The following PSD3 variants were observed in gnomAD, a reference collection of about 807,000 sequenced individuals.
PSD3 encodes the protein PH and SEC7 domain-containing protein 3.
PSD3 carries 49 observed loss-of-function variants against 105.5 expected under a neutral mutation model. The observed-to-expected ratio is 0.46, with a 90% CI of 0.37 to 0.59. The LOEUF (loss-of-function observed/expected upper bound fraction) is 0.59, where lower values mean the gene tolerates loss of function less well. Among genes scored for constraint, PSD3 ranks in the 20% least tolerant of loss-of-function variants. PSD3 has a pLI of 0.00. For synonymous variants in PSD3, 557 were observed against 457.8 expected (o/e 1.22, Z -2.77); for missense variants, 1,561 against 1,263.8 (o/e 1.24, Z -3.57).
intron 9 of PSD3, among the ~76,000 whole-genome samples, chr8:18,690,806 G>C (rs907499217): frequency 6.6e-6 from 1 of 152,188 alleles, no homozygotes; most frequent in Non-Finnish European, 1.5e-5. Flanking sequence ...ACCAGCTTCA[G>C]AGCCCCTTCC....
intron 6 of PSD3, among the ~76,000 whole-genome samples, chr8:18,804,065 C>A (rs73595757): frequency 0.043 from 6,618 of 152,216 alleles, 490 homozygotes; most frequent in African/African-American, 0.15. Context: ...TAGGTGTAGA[C>A]TATCAATTCA....
At chr8:18,994,653 C>T (rs553578988) in intron 1 of PSD3, among the ~76,000 whole-genome samples, 86 of 151,870 alleles carry the variant, frequency 5.7e-4, no homozygotes, top group African/African-American at 2.0e-3. Flanking sequence ...GACAATATTT[C>T]GGACACAGTA....
chr8:18,570,850 T>TATTATC (rs1802089049), intron 14 of PSD3, among the ~76,000 whole-genome samples: 1 of 123,908 alleles, frequency 8.1e-6, no homozygotes, highest in African/African-American at 4.3e-5. Context: ...AAACTATTAT[T>TATTATC]ATTATTATTA....
At chr8:18,774,971 C>T (rs1193361406) in intron 8 of PSD3, 1 of 456,148 alleles carries the variant, frequency 2.2e-6, no homozygotes, top group African/African-American at 2.0e-5. Context: ...GAGAAAAGTG[C>T]CCATTAATCA....
chr8:18,758,818 C>T (rs529042537), intron 9 of PSD3, among the ~76,000 whole-genome samples: 1 of 152,038 alleles, frequency 6.6e-6, no homozygotes, highest in Non-Finnish European at 1.5e-5. Flanking sequence ...TTTCAGCTGA[C>T]AAGATAGGTT....
intron 2 of PSD3, among the ~76,000 whole-genome samples, chr8:18,934,536 G>T (rs1226529307): frequency 6.6e-6 from 1 of 151,810 alleles, no homozygotes; most frequent in Non-Finnish European, 1.5e-5. Context: ...TCAGCCTCCC[G>T]AGTAGCTGTG....
At chr8:19,055,499 C>A (rs990352321) in intron 1 of PSD3, among the ~76,000 whole-genome samples, 7 of 152,194 alleles carry the variant, frequency 4.6e-5, no homozygotes, top group African/African-American at 1.7e-4. Context: ...GTGATTCACC[C>A]GCCTCGGCCT....
Position 18,870,118 on chromosome 8 carries a change from C to T in PSD3, c.1238+1508G>A, listed in dbSNP as rs111652319. On this transcript the variant is annotated intron_variant, in intron 3 of 15. Transcript: ENST00000327040. ...GGGGAGGGGAGTGGGAAGGATCCTG[C>T]CAGTGATCCCAAAGGAGCACCACTC... 3.2e-3 allele frequency among the ~76,000 whole-genome samples: 491 copies of T among 152,186 alleles called. 4 individuals carry two copies. The highest frequency in any genetic ancestry group is 0.011 in the African/African-American group (445 of 41,512).
intron 9 of PSD3, among the ~76,000 whole-genome samples, chr8:18,667,092 T>C (rs1392601860): frequency 1.3e-5 from 2 of 152,098 alleles, no homozygotes; most frequent in Non-Finnish European, 2.9e-5. Context: ...TTACAGCTCA[T>C]AAAGGCAGTG....
intron 4 of PSD3, among the ~76,000 whole-genome samples, chr8:18,829,281 G>T (rs1009693772): frequency 1.3e-5 from 2 of 151,980 alleles, no homozygotes; most frequent in Non-Finnish European, 2.9e-5. Context: ...CTAACATTTA[G>T]AATTTGAAAA....
intron 9 of PSD3, among the ~76,000 whole-genome samples, chr8:18,694,973 A>T (rs1232889168): frequency 1.3e-5 from 2 of 152,232 alleles, no homozygotes; most frequent in Admixed American, 1.3e-4. Flanking sequence ...ATTTTTATAT[A>T]AGAAGGAAAC....
chr8:18,617,336 A>T (rs1215197875), intron 11 of PSD3, among the ~76,000 whole-genome samples: 1 of 152,022 alleles, frequency 6.6e-6, no homozygotes, highest in Non-Finnish European at 1.5e-5. Context: ...TTCGAGACCA[A>T]CCTGACCAAC....
At position 19,070,426 on chromosome 8, in the gene PSD3, A is replaced by G. The variant is rs139151595; in HGVS notation, c.324+13780T>C. On this transcript the variant is annotated intron_variant, in intron 1 of 1. Coordinates refer to the PSD3 transcript ENST00000521475. ...CTAGAGAGGCAAGATATAAAAATAT[A>G]AACAGTTGGGAGGCCGAGGTTGGTA... is the stretch of plus-strand genomic sequence containing the variant. Among the ~76,000 whole-genome samples, 704 of 152,074 alleles carry G rather than the reference A, an allele frequency of 4.6e-3. 13 individuals are homozygous for G. Among genetic ancestry groups the G allele is most frequent in the East Asian group, 0.029 (151 of 5,180 alleles).
chr8:18,838,626 C>G (rs1287392846), intron 4 of PSD3, among the ~76,000 whole-genome samples: 3 of 151,648 alleles, frequency 2.0e-5, no homozygotes, highest in Admixed American at 6.6e-5. Flanking sequence ...ATGGTGAAAC[C>G]CCATCTCTAC....
chr8:18,701,182 T>C (rs1801560069), intron 9 of PSD3, among the ~76,000 whole-genome samples: 1 of 149,810 alleles, frequency 6.7e-6, no homozygotes, highest in Non-Finnish European at 1.5e-5. Flanking sequence ...GTTGTCCAGG[T>C]TGGTCTCGAA....
Position 18,788,002 on chromosome 8 carries a change from T to C in PSD3, c.2082+11293A>G, listed in dbSNP as rs573440959. Among the ~76,000 whole-genome samples the C allele has an allele frequency of 3.9e-5, 6 of 152,296 alleles. No individual in the cohort carries two copies. In the East Asian group the frequency reaches 1.2e-3, roughly 29 times the overall value. ...ATATTCTGTTACAGTTATTCAACAC[T>C]ATAATTGGTGTGAAGATGTAAACAA... On this transcript the variant is annotated intron_variant, in intron 8 of 15. Coordinates refer to ENST00000327040, the MANE Select transcript of PSD3 (RefSeq NM_015310.4).
chr8:19,033,885 A>G (rs1466494283), intron 1 of PSD3, among the ~76,000 whole-genome samples: 1 of 152,172 alleles, frequency 6.6e-6, no homozygotes, highest in African/African-American at 2.4e-5. Context: ...AGAAAGATAC[A>G]TGAGAAGGAA....
At chr8:18,800,170 C>G (rs1389258116) in intron 7 of PSD3, among the ~76,000 whole-genome samples, 3 of 152,168 alleles carry the variant, frequency 2.0e-5, no homozygotes, top group African/African-American at 7.2e-5. Flanking sequence ...CCAATTAAGT[C>G]ACGAATCCAT....
chr8:18,952,931 A>C (rs1290584681), intron 1 of PSD3, among the ~76,000 whole-genome samples: 1 of 152,198 alleles, frequency 6.6e-6, no homozygotes, highest in Non-Finnish European at 1.5e-5. Context: ...ACAAATGATA[A>C]AAGACAACAT....
Sources: gnomAD v4.1 joint callset for allele counts (sites outside exome capture counted in the v4.1 genomes callset) on GRCh38, gnomAD v4.1.1 for gene constraint, MANE v1.5 for transcripts, NCBI Gene and HGNC (gene_info 2026-07-23, HGNC 2026-07-21) for gene names.